SCN1A: variants seen among roughly 807,000 people sequenced by gnomAD.
SCN1A encodes sodium voltage-gated channel alpha subunit 1.
A neutral mutation model predicts 193.7 loss-of-function variants in SCN1A; 13 were observed. That is an observed-to-expected ratio of 0.07 (90% CI 0.04 to 0.11). The LOEUF is 0.11. Among genes scored for constraint, SCN1A ranks in the 10% least tolerant of loss-of-function variants. The probability of loss-of-function intolerance (pLI) is 1.00; values close to 1 mark genes in which losing one functional copy is unlikely to be tolerated. For missense variants in SCN1A, 1,432 were observed against 2,451.1 expected, an observed-to-expected ratio of 0.58 and a Z score of 8.78; for synonymous variants, 781 against 843.6, an observed-to-expected ratio of 0.93 and a Z score of 1.29.
chr2:165,992,359 C>T lies in SCN1A; in HGVS notation c.4916G>A (p.Arg1639His). Residue 1639 changes from arginine to histidine, a missense_variant, in exon 29 of 29, where the codon CGT becomes CAT. This residue lies in a region of SCN1A where 85 missense variants were observed against 213.2 expected (regional missense o/e 0.40). Coordinates refer to ENST00000674923, the MANE Select transcript of SCN1A (RefSeq NM_001165963.4). This position sits in a 1 kb window ranked among gnomAD's most constrained non-coding sequence, Gnocchi z 6.5. ...TAGGATTCGGCCAATCCTAGCAAGA[C>T]GGATCACTCGGAACAGGGTAGGGGA... ...FVSPTLFRVI[R>H]LARIGRILRL... 1 of 1,613,672 alleles carries T rather than the reference C, an allele frequency of 6.2e-7. No homozygotes were observed. Among genetic ancestry groups the T allele is most frequent in the Non-Finnish European group, 8.5e-7 (1 of 1,179,794 alleles).
intron 1 of SCN1A, among the ~76,000 whole-genome samples, chr2:166,146,932 T>A (rs1692345803): frequency 6.6e-6 from 1 of 152,136 alleles, no homozygotes; most frequent in African/African-American, 2.4e-5. Context: ...ACATAGAAAA[T>A]TTAATGACAA....
At chr2:165,998,001 C>G in intron 26 of SCN1A, 37 bp downstream of exon 26, 1 of 1,536,960 alleles carries the variant, frequency 6.5e-7, no homozygotes, top group Non-Finnish European at 9.0e-7. Flanking sequence ...GAATAATTTT[C>G]TATCTCAGTG....
intron 7 of SCN1A, among the ~76,000 whole-genome samples, chr2:166,054,249 G>A: frequency 6.6e-6 from 1 of 152,002 alleles, no homozygotes; most frequent in East Asian, 1.9e-4. Context: ...CAAGGTCATT[G>A]CAAATTTGTG....
intron 2 of SCN1A, among the ~76,000 whole-genome samples, chr2:166,081,270 G>C (rs752487773): frequency 5.9e-5 from 9 of 151,892 alleles, no homozygotes; most frequent in African/African-American, 2.2e-4. Context: ...AAATATGTAC[G>C]ATAGCTCACA....
chr2:166,014,612 A>G (rs1422825661), intron 20 of SCN1A, among the ~76,000 whole-genome samples: 2 of 149,918 alleles, frequency 1.3e-5, no homozygotes, highest in Non-Finnish European at 3.0e-5. Flanking sequence ...AAAAAGAAAA[A>G]GATATAAATA....
At chr2:166,035,099 T>C (rs979567655) in intron 19 of SCN1A, among the ~76,000 whole-genome samples, 1 of 152,180 alleles carries the variant, frequency 6.6e-6, no homozygotes, top group African/African-American at 2.4e-5. Flanking sequence ...TGTTGTTAAG[T>C]TCTCTTCAAT....
rs544692790 is a variant in SCN1A, at chr2:166,043,973, C to T, written c.1739G>A (p.Arg580Gln). 1.1e-4 allele frequency: 183 copies of T among 1,614,124 alleles called. No individual in the cohort carries two copies. Among genetic ancestry groups the T allele is most frequent in the Admixed American group, 3.3e-4 (20 of 60,012 alleles). The change falls in exon 14 of 29, where the codon CGA (arginine) becomes CAA (glutamine). Residue 580 changes from arginine to glutamine, a missense_variant. Physicochemically the swap from Arg to Gln is conservative, Grantham distance 43 (BLOSUM62 1). Coordinates refer to ENST00000674923, the MANE Select transcript of SCN1A (RefSeq NM_001165963.4). ...GTTCTCAGATCCCACATCCTTTGCT[C>T]GCCCTCTAAAGCTGAAAAGGCTTGT... ...SRTSLFSFRG[R>Q]AKDVGSENDF...
rs1689063096 is a variant in SCN1A at position 165,991,088 on chromosome 2, A to AG, written c.*156dup. On this transcript the variant is annotated 3_prime_UTR_variant, in exon 29 of 29. Transcript: ENST00000674923. ...TACACAGAGTCACAGTTTGCTGACA[A>AG]GGGGTCACTGTCTTATTGTAGGCAC... The AG allele has an allele frequency of 4.6e-6, 3 of 649,770 alleles. No individual in the cohort carries two copies. The highest frequency in any genetic ancestry group is 7.9e-6 in the Non-Finnish European group (3 of 381,952). 40.3% of individuals were successfully genotyped at this position (649,770 alleles called of 1,614,324 possible).
chr2:166,012,018 A>G, intron 22 of SCN1A, 91 bp downstream of exon 22: 1 of 1,158,342 alleles, frequency 8.6e-7, no homozygotes, highest in Non-Finnish European at 1.3e-6. Context: ...CTGTCAACAT[A>G]ACATAGTGGT....
chr2:166,030,242 C>A (rs1330229262), intron 19 of SCN1A, among the ~76,000 whole-genome samples: 2 of 152,130 alleles, frequency 1.3e-5, no homozygotes, highest in African/African-American at 4.8e-5. Flanking sequence ...GTAACTTTGG[C>A]AAGTTTTCCT....
At chr2:166,010,253 AAGC>A (rs1559141498) in intron 22 of SCN1A, among the ~76,000 whole-genome samples, 2 of 151,236 alleles carry the variant, frequency 1.3e-5, no homozygotes, top group African/African-American at 4.8e-5. Flanking sequence ...GTACTAAAAA[AAGC>A]AGGAAGTTTC....
intron 1 of SCN1A, among the ~76,000 whole-genome samples, chr2:166,144,367 G>A (rs1013108431): frequency 6.6e-6 from 1 of 152,158 alleles, no homozygotes. Context: ...CAAGTATAGG[G>A]AAATTTAATT....
At chr2:166,022,181 G>GA (rs1380878855) in intron 19 of SCN1A, among the ~76,000 whole-genome samples, 10 of 151,904 alleles carry the variant, frequency 6.6e-5, no homozygotes, top group African/African-American at 2.4e-4. Flanking sequence ...TTAAATGAAA[G>GA]AAAAAATATG....
chr2:165,989,625 C>G lies in SCN1A; in HGVS notation c.*1620G>C, dbSNP rs1467474943. ...AAATTGTGAAATAATCTAAAATTAGCAAATGTAATTTAAAAAGCAGAAATC... is the reference window on the plus strand; with the variant it reads ...AAATTGTGAAATAATCTAAAATTAGGAAATGTAATTTAAAAAGCAGAAATC... On this transcript the variant is annotated 3_prime_UTR_variant, in exon 29 of 29. Coordinates refer to ENST00000674923, the MANE Select transcript of SCN1A (RefSeq NM_001165963.4). The G allele has an allele frequency of 6.6e-6, 1 of 152,440 alleles. No individual in the cohort carries two copies. The allele number at this position is 152,440 out of a possible 1,614,324, so 9.4% of individuals were successfully genotyped here.
intron 2 of SCN1A, chr2:166,109,446 A>G (rs1689061765): frequency 6.6e-6 from 1 of 152,346 alleles, no homozygotes; most frequent in Non-Finnish European, 1.5e-5. Flanking sequence ...AAGTATATAC[A>G]TACATACCTT....
intron 18 of SCN1A, among the ~76,000 whole-genome samples, chr2:166,037,149 A>G (rs1029453979): frequency 2.8e-4 from 42 of 152,110 alleles, no homozygotes; most frequent in Non-Finnish European, 1.0e-4. Flanking sequence ...AAACAGTAAC[A>G]CTCCAAATTT....
At chr2:166,075,594 T>C (rs1350389017) in intron 3 of SCN1A, among the ~76,000 whole-genome samples, 2 of 152,066 alleles carry the variant, frequency 1.3e-5, no homozygotes, top group Non-Finnish European at 2.9e-5. Context: ...GTATTTGGGT[T>C]GTTTCCAATC....
At chr2:166,051,681 C>A in intron 9 of SCN1A, 38 bp downstream of exon 9, 2 of 1,497,510 alleles carry the variant, frequency 1.3e-6, no homozygotes, top group South Asian at 1.2e-5. Context: ...CAATCCAATT[C>A]TACTTTTTAA....
At position 166,120,683 on chromosome 2, in the gene SCN1A, G is replaced by C. The variant is rs189768108; in HGVS notation, c.-142+6241C>G. Among the ~76,000 whole-genome samples the C allele has an allele frequency of 1.3e-4, 18 of 140,504 alleles. No homozygotes were observed. The East Asian group carries it at 3.8e-3, about 30-fold the overall frequency. 92.2% of individuals were successfully genotyped at this position (140,504 alleles called of 152,430 possible). A position where few individuals can be genotyped will look rare whatever the true frequency, so the allele number is the denominator to read the frequency against. Reference sequence around the variant, plus strand: ...GGCCGGAGTGCAGTGGCATGATCTCGGCTTGCTGCAACCTCCACCTCCCGG... The same window carrying C: ...GGCCGGAGTGCAGTGGCATGATCTCCGCTTGCTGCAACCTCCACCTCCCGG... On this transcript the variant is annotated intron_variant, in intron 2 of 28. Transcript: ENST00000674923.
Sources: gnomAD v4.1 joint callset for allele counts (sites outside exome capture counted in the v4.1 genomes callset) on GRCh38, gnomAD v4.1.1 for gene constraint, gnomAD v4.1.1 regional missense constraint, Gnocchi (gnomAD v3.1) non-coding constraint, MANE v1.5 for transcripts, NCBI Gene and HGNC (gene_info 2026-07-23, HGNC 2026-07-21) for gene names.